SRGAP1: variants seen among roughly 807,000 people sequenced by gnomAD.
SRGAP1 encodes SLIT-ROBO Rho GTPase activating protein 1.
In SRGAP1, 43 loss-of-function variants were observed where a neutral mutation model predicts 121.9. The ratio of observed to expected loss-of-function variants is 0.35; its 90% CI spans 0.28 to 0.46. The LOEUF is 0.46. SRGAP1 is among the 20% of genes least tolerant of loss of function. The pLI, the probability that SRGAP1 is intolerant of heterozygous loss-of-function variation, is 1.00. For missense variants in SRGAP1, 1,102 were observed against 1,350.9 expected, an observed-to-expected ratio of 0.82 and a Z score of 2.89; for synonymous variants, 447 against 485.4, an observed-to-expected ratio of 0.92 and a Z score of 1.04.
chr12:63,964,417 GGTGA>G (rs2032727457), intron 1 of SRGAP1, among the ~76,000 whole-genome samples: 1 of 152,042 alleles, frequency 6.6e-6, no homozygotes, highest in South Asian at 2.1e-4. Flanking sequence ...AGTCCACAAG[GGTGA>G]GTATTTATTA....
At chr12:64,026,593 G>T (rs1004360607) in intron 4 of SRGAP1, among the ~76,000 whole-genome samples, 2 of 152,236 alleles carry the variant, frequency 1.3e-5, no homozygotes, top group Admixed American at 6.5e-5. Flanking sequence ...AGAACCAGGC[G>T]CAGTGGCTCA....
chr12:64,009,563 C>T (rs1333810350), intron 3 of SRGAP1, among the ~76,000 whole-genome samples: 4 of 152,118 alleles, frequency 2.6e-5, no homozygotes, highest in African/African-American at 9.7e-5. Flanking sequence ...AACACAGCAA[C>T]AGCCGACCTT....
At chr12:63,885,430 T>G (rs1213885620) in intron 1 of SRGAP1, among the ~76,000 whole-genome samples, 5 of 152,252 alleles carry the variant, frequency 3.3e-5, no homozygotes, top group Admixed American at 3.3e-4. Flanking sequence ...CTCTACATGT[T>G]CAGCTGTCCA....
intron 8 of SRGAP1, among the ~76,000 whole-genome samples, chr12:64,071,346 T>C (rs927469629): frequency 1.3e-5 from 2 of 152,186 alleles, no homozygotes; most frequent in African/African-American, 4.8e-5. Context: ...ACTCGTTTTC[T>C]CTGATGCACT....
intron 1 of SRGAP1, among the ~76,000 whole-genome samples, chr12:63,950,884 A>T (rs1182144392): frequency 1.4e-5 from 2 of 140,482 alleles, no homozygotes; most frequent in Non-Finnish European, 3.1e-5. Flanking sequence ...TGAGTCCCCC[A>T]CTCCACCCCA....
intron 4 of SRGAP1, among the ~76,000 whole-genome samples, chr12:64,029,659 A>G (rs1169166573): frequency 6.6e-6 from 1 of 152,216 alleles, no homozygotes; most frequent in Non-Finnish European, 1.5e-5. Context: ...GGAACTCCGT[A>G]CACTCTAATA....
intron 3 of SRGAP1, among the ~76,000 whole-genome samples, chr12:63,994,301 C>T (rs2033633361): frequency 6.6e-6 from 1 of 152,066 alleles, no homozygotes; most frequent in African/African-American, 2.4e-5. Flanking sequence ...CCAAATGTGT[C>T]CTCATTCTAA....
At chr12:64,071,021 A>C (rs1402179979) in intron 8 of SRGAP1, among the ~76,000 whole-genome samples, 4 of 152,128 alleles carry the variant, frequency 2.6e-5, no homozygotes, top group Non-Finnish European at 5.9e-5. Context: ...TTACTGATTT[A>C]AGTATCTTTG....
rs145532231 is a variant in SRGAP1, at chr12:63,872,084, G to C, written c.67+27201G>C. On this transcript the variant is annotated intron_variant, in intron 1 of 21. Coordinates refer to ENST00000355086, the MANE Select transcript of SRGAP1 (RefSeq NM_020762.4). ...TGTTCTGTTTATATGATGAACACAA[G>C]AAACAGTGTCCGAGACCCTTGCCTT... 2.5e-3 allele frequency: 1,707 copies of C among 671,500 alleles called. 6 individuals carry two copies. The highest frequency in any genetic ancestry group is 5.0e-3 in the Admixed American group (221 of 44,082). 41.6% of individuals were successfully genotyped at this position (671,500 alleles called of 1,614,324 possible).
At chr12:63,972,198 A>T (rs908436001) in intron 1 of SRGAP1, among the ~76,000 whole-genome samples, 4 of 152,236 alleles carry the variant, frequency 2.6e-5, no homozygotes, top group South Asian at 4.1e-4. Context: ...GATTTTTCTT[A>T]AAAAGTCTCT....
chr12:63,988,978 T>C (rs1034581563), intron 2 of SRGAP1, among the ~76,000 whole-genome samples: 24 of 152,072 alleles, frequency 1.6e-4, no homozygotes, highest in African/African-American at 5.6e-4. Context: ...GCCCGGCTGA[T>C]TTTTGTATTT....
intron 1 of SRGAP1, among the ~76,000 whole-genome samples, chr12:63,921,775 A>C (rs2031056580): frequency 6.6e-6 from 1 of 152,226 alleles, no homozygotes; most frequent in South Asian, 2.1e-4. Flanking sequence ...GATTTGTTGA[A>C]TAAATCAGTT....
chr12:64,006,313 C>A (rs897607937), intron 3 of SRGAP1, among the ~76,000 whole-genome samples: 4 of 152,046 alleles, frequency 2.6e-5, no homozygotes, highest in Non-Finnish European at 5.9e-5. Context: ...CCTGGTGGCC[C>A]CTTAACAGCA....
intron 1 of SRGAP1, among the ~76,000 whole-genome samples, chr12:63,912,628 A>G (rs1442850526): frequency 2.6e-5 from 4 of 151,896 alleles, no homozygotes; most frequent in Non-Finnish European, 4.4e-5. Flanking sequence ...GAAAGAAAAA[A>G]AAAATCAGCA....
intron 1 of SRGAP1, among the ~76,000 whole-genome samples, chr12:63,950,952 C>T (rs950236353): frequency 6.8e-6 from 1 of 146,214 alleles, no homozygotes; most frequent in Non-Finnish European, 1.5e-5. Context: ...CAATTTTCTA[C>T]TTGTTGCCAT....
At chr12:63,985,970 T>TA (rs1436701680) in intron 2 of SRGAP1, among the ~76,000 whole-genome samples, 3 of 152,086 alleles carry the variant, frequency 2.0e-5, no homozygotes, top group African/African-American at 4.8e-5. Context: ...GGACCCTGCA[T>TA]AAAAAAATGG....
chr12:63,893,933 G>A (rs1314135142), intron 1 of SRGAP1, among the ~76,000 whole-genome samples: 2 of 152,196 alleles, frequency 1.3e-5, no homozygotes, highest in African/African-American at 2.4e-5. Context: ...CCGTCTCCTG[G>A]GTTCAAGTGA....
chr12:64,032,475 C>T, intron 4 of SRGAP1: 1 of 984,114 alleles, frequency 1.0e-6, no homozygotes. Context: ...CTTTGTGGGT[C>T]AGAAGAGAAC....
chr12:63,983,257 AT>A (rs2033299530), intron 1 of SRGAP1: 1 of 152,166 alleles, frequency 6.6e-6, no homozygotes, highest in Non-Finnish European at 1.5e-5. Context: ...AATGATGCTT[AT>A]TTCTTTGCCA....
Sources: gnomAD v4.1 joint callset for allele counts (sites outside exome capture counted in the v4.1 genomes callset) on GRCh38, gnomAD v4.1.1 for gene constraint, MANE v1.5 for transcripts, NCBI Gene and HGNC (gene_info 2026-07-23, HGNC 2026-07-21) for gene names.